Variants in RBFOX1 observed in about 807,000 individuals in gnomAD.
RBFOX1 encodes RNA binding fox-1 homolog 1.
Under a neutral mutation model 57.7 loss-of-function variants are expected in RBFOX1, and 8 were observed. The observed-to-expected ratio is 0.14, with a 90% CI of 0.08 to 0.25. The LOEUF is 0.25. RBFOX1 is among the 10% of genes least tolerant of loss of function. The probability of loss-of-function intolerance (pLI) is 1.00; values close to 1 mark genes in which losing one functional copy is unlikely to be tolerated. For synonymous variants in RBFOX1, 326 were observed against 222.4 expected (o/e 1.47, Z -4.15); for missense variants, 611 against 548.5 (o/e 1.11, Z -1.14).
At chr16:6,546,605 C>G (rs576326436) in intron 2 of RBFOX1, among the ~76,000 whole-genome samples, 1 of 152,298 alleles carries the variant, frequency 6.6e-6, no homozygotes, top group South Asian at 2.1e-4. Flanking sequence ...CTGTGTCTGT[C>G]TTTGTGTCCA....
rs193141506 is a variant in RBFOX1, at chr16:7,522,381, C to T, written c.270+3992C>T. Among the ~76,000 whole-genome samples the T allele has an allele frequency of 1.0e-3, 157 of 152,222 alleles. 1 individual carries two copies. Among genetic ancestry groups the T allele is most frequent in the African/African-American group, 3.5e-3 (147 of 41,534 alleles). On this transcript the variant is annotated intron_variant, in intron 5 of 15. Transcript: ENST00000550418. ...TGGGATGTTCAGATTGGGCATTCAA[C>T]CAGTTGAATGTTGGGCTATACAGCC...
chr16:6,542,502 T>TTTTTTTTTTTTTTTA (rs2096836246), intron 2 of RBFOX1, among the ~76,000 whole-genome samples: 1 of 138,040 alleles, frequency 7.2e-6, no homozygotes, highest in African/African-American at 2.7e-5. Flanking sequence ...TTTTTTTTTT[T>TTTTTTTTTTTTTTTA]TTTTTGAGCA....
At chr16:6,950,579 C>A (rs1003586842) in intron 3 of RBFOX1, among the ~76,000 whole-genome samples, 1 of 152,164 alleles carries the variant, frequency 6.6e-6, no homozygotes. Flanking sequence ...AGACTTATTT[C>A]CATAGCATTA....
intron 4 of RBFOX1, among the ~76,000 whole-genome samples, chr16:7,342,683 G>A (rs1347989731): frequency 6.6e-6 from 1 of 152,152 alleles, no homozygotes; most frequent in South Asian, 2.1e-4. Flanking sequence ...TACAACTGGG[G>A]AGGTGGCGAA....
chr16:5,783,409 G>T (rs971064029), intron 3 of RBFOX1, among the ~76,000 whole-genome samples: 1 of 152,122 alleles, frequency 6.6e-6, no homozygotes, highest in South Asian at 2.1e-4. Flanking sequence ...ATTTATGTAT[G>T]AGGGTTATAT....
intron 3 of RBFOX1, among the ~76,000 whole-genome samples, chr16:6,982,854 A>C (rs532931673): frequency 1.1e-4 from 17 of 151,964 alleles, no homozygotes; most frequent in Non-Finnish European, 2.1e-4. Flanking sequence ...TTAGCTGGGC[A>C]TGGTGGCGGA....
At chr16:5,396,699 A>T (rs565227642) in intron 1 of RBFOX1, among the ~76,000 whole-genome samples, 28 of 152,294 alleles carry the variant, frequency 1.8e-4, no homozygotes, top group Non-Finnish European at 4.1e-4. Flanking sequence ...ACCCCTCCCT[A>T]CCTTATCAGT....
At chr16:5,375,237 G>A (rs2065955445) in intron 1 of RBFOX1, among the ~76,000 whole-genome samples, 1 of 152,170 alleles carries the variant, frequency 6.6e-6, no homozygotes, top group Non-Finnish European at 1.5e-5. Flanking sequence ...GATGACATGT[G>A]ATAATTTCTA....
intron 14 of RBFOX1, among the ~76,000 whole-genome samples, chr16:7,683,759 G>C (rs1313591549): frequency 6.6e-6 from 1 of 152,064 alleles, no homozygotes; most frequent in African/African-American, 2.4e-5. Flanking sequence ...TTAGAGGCAG[G>C]TTGGGAAAGC....
At chr16:7,596,798 G>T (rs2094723459) in intron 8 of RBFOX1, among the ~76,000 whole-genome samples, 1 of 152,098 alleles carries the variant, frequency 6.6e-6, no homozygotes, top group South Asian at 2.1e-4. Flanking sequence ...TTATCCTTTT[G>T]TTAGCTGTGA....
At chr16:5,874,641 A>G (rs1159760679) in intron 4 of RBFOX1, among the ~76,000 whole-genome samples, 1 of 152,174 alleles carries the variant, frequency 6.6e-6, no homozygotes, top group Non-Finnish European at 1.5e-5. Flanking sequence ...AGGGAAATAT[A>G]TGTGCTGAGA....
chr16:7,672,561 C>T (rs1372457018), intron 13 of RBFOX1, among the ~76,000 whole-genome samples: 2 of 152,044 alleles, frequency 1.3e-5, no homozygotes, highest in African/African-American at 4.8e-5. Flanking sequence ...AACTGCCACC[C>T]TTCAAAAATA....
At position 7,322,960 on chromosome 16, in the gene RBFOX1, C is replaced by G. The variant is rs1471140273; in HGVS notation, c.28-195187C>G. Among the ~76,000 whole-genome samples, 5 of 152,246 alleles carry G rather than the reference C, an allele frequency of 3.3e-5. No individual in the cohort carries two copies. In the South Asian group the frequency reaches 6.2e-4, roughly 19 times the overall value. On this transcript the variant is annotated intron_variant, in intron 4 of 15. Coordinates refer to ENST00000550418, the MANE Select transcript of RBFOX1 (RefSeq NM_018723.4). ...GAGGCATTTCCCCACTTCCTGAAGA[C>G]TCAGTGGTGGGTGGTGTAGGTCAGC... is the stretch of plus-strand genomic sequence containing the variant.
intron 1 of RBFOX1, among the ~76,000 whole-genome samples, chr16:5,418,087 C>A (rs1306040437): frequency 1.3e-5 from 2 of 151,746 alleles, no homozygotes; most frequent in African/African-American, 4.9e-5. Context: ...ATCTCAACAA[C>A]AACAACAACA....
At chr16:6,799,379 A>G (rs557938960) in intron 3 of RBFOX1, among the ~76,000 whole-genome samples, 3 of 152,076 alleles carry the variant, frequency 2.0e-5, no homozygotes, top group Non-Finnish European at 4.4e-5. Flanking sequence ...AAAAGGTAAA[A>G]ACTGCATTGA....
intron 4 of RBFOX1, among the ~76,000 whole-genome samples, chr16:7,150,299 T>C (rs2075862479): frequency 6.6e-6 from 1 of 152,214 alleles, no homozygotes; most frequent in South Asian, 2.1e-4. Flanking sequence ...TCTTAATTCT[T>C]TATGGACCTC....
chr16:7,460,373 AT>A (rs1392374146), intron 4 of RBFOX1, among the ~76,000 whole-genome samples: 1 of 79,936 alleles, frequency 1.3e-5, no homozygotes, highest in East Asian at 5.6e-4. Context: ...TTAGCAAAAT[AT>A]ATATATATAT....
intron 4 of RBFOX1, among the ~76,000 whole-genome samples, chr16:7,271,286 C>G (rs1001997973): frequency 2.6e-5 from 4 of 151,830 alleles, no homozygotes; most frequent in East Asian, 3.9e-4. Context: ...AGAACATTCA[C>G]AGGCATCTTC....
intron 2 of RBFOX1, among the ~76,000 whole-genome samples, chr16:6,445,561 CTTTTTT>C (rs374322471): frequency 4.4e-5 from 5 of 114,866 alleles, no homozygotes; most frequent in African/African-American, 6.7e-5. Flanking sequence ...CTCTGAACTC[CTTTTTT>C]TTTTTTTTTT....
Sources: gnomAD v4.1 joint callset for allele counts (sites outside exome capture counted in the v4.1 genomes callset) on GRCh38, gnomAD v4.1.1 for gene constraint, MANE v1.5 for transcripts, NCBI Gene and HGNC (gene_info 2026-07-23, HGNC 2026-07-21) for gene names.